Variants in ANO2 observed in about 807,000 individuals in gnomAD.
ANO2 encodes anoctamin 2.
A neutral mutation model predicts 124.2 loss-of-function variants in ANO2; 101 were observed. That is an observed-to-expected ratio of 0.81 (90% CI 0.69 to 0.96). The LOEUF (loss-of-function observed/expected upper bound fraction) is 0.96. Ranked by LOEUF, ANO2 falls within the 40% of genes least tolerant of loss-of-function variation. ANO2 has a pLI of 0.00. For missense variants in ANO2, 1,293 were observed against 1,274.5 expected (o/e 1.01, Z -0.22); for synonymous variants, 486 against 482.5 (o/e 1.01, Z -0.09).
chr12:5,850,511 A>G (rs1337436442), intron 4 of ANO2, among the ~76,000 whole-genome samples: 1 of 152,084 alleles, frequency 6.6e-6, no homozygotes, highest in East Asian at 1.9e-4. Flanking sequence ...GTCTGGGACC[A>G]AGAAACTTTG....
At chr12:5,784,502 TGGCTGCTTACTTCCTGCACTGGAGG>T (rs1231053127) in intron 10 of ANO2, among the ~76,000 whole-genome samples, 1 of 152,198 alleles carries the variant, frequency 6.6e-6, no homozygotes, top group African/African-American at 2.4e-5. Context: ...ACCACATGGG[TGGCTGCTTACTTCCTGCACTGGAGG>T]GGCCAAGCCA....
At chr12:5,747,491 A>G (rs1469029171) in intron 11 of ANO2, among the ~76,000 whole-genome samples, 1 of 152,226 alleles carries the variant, frequency 6.6e-6, no homozygotes, top group Non-Finnish European at 1.5e-5. Flanking sequence ...AAAGAAATCT[A>G]TTAAAATGTT....
intron 3 of ANO2, among the ~76,000 whole-genome samples, chr12:5,897,946 A>C (rs1170581191): frequency 6.6e-6 from 1 of 152,204 alleles, no homozygotes; most frequent in Non-Finnish European, 1.5e-5. Context: ...AAAAGAGTGA[A>C]AAGAAAAACC....
intron 12 of ANO2, 120 bp from the exon 13 acceptor site, chr12:5,739,519 T>C: frequency 3.9e-6 from 3 of 776,458 alleles, no homozygotes; most frequent in Non-Finnish European, 6.2e-6. Flanking sequence ...CTCTCTTTAA[T>C]GCATTTAGCC....
At chr12:5,628,915 C>T (rs565457399) in intron 16 of ANO2, among the ~76,000 whole-genome samples, 23 of 152,120 alleles carry the variant, frequency 1.5e-4, no homozygotes, top group Non-Finnish European at 2.6e-4. Context: ...GTATGCAAAC[C>T]AGTGTTGGTA....
intron 14 of ANO2, among the ~76,000 whole-genome samples, chr12:5,696,646 C>G (rs1949193378): frequency 6.6e-6 from 1 of 152,130 alleles, no homozygotes; most frequent in Admixed American, 6.5e-5. Flanking sequence ...AATCTTGGCC[C>G]TTAAACCAGA....
At chr12:5,872,201 G>A (rs1937746809) in intron 3 of ANO2, among the ~76,000 whole-genome samples, 1 of 151,998 alleles carries the variant, frequency 6.6e-6, no homozygotes, top group African/African-American at 2.4e-5. Context: ...CACCTGCTCT[G>A]GTCTCACTTT....
chr12:5,915,162 G>A (rs143345298), intron 3 of ANO2, among the ~76,000 whole-genome samples: 9 of 152,178 alleles, frequency 5.9e-5, no homozygotes, highest in East Asian at 1.9e-4. Context: ...GGGTGCAGAC[G>A]TCTCTGTCAC....
chr12:5,767,057 G>A (rs1452180697), intron 10 of ANO2, among the ~76,000 whole-genome samples: 1 of 152,204 alleles, frequency 6.6e-6, no homozygotes, highest in Non-Finnish European at 1.5e-5. Context: ...TTGCCAACAA[G>A]GCGTGTACCT....
intron 15 of ANO2, among the ~76,000 whole-genome samples, chr12:5,644,159 C>T (rs1269629768): frequency 6.6e-6 from 1 of 152,164 alleles, no homozygotes; most frequent in East Asian, 1.9e-4. Context: ...TTGCCTTTCA[C>T]AGTCCCTCTT....
intron 10 of ANO2, among the ~76,000 whole-genome samples, chr12:5,763,021 C>G (rs191156391): frequency 4.6e-5 from 7 of 152,008 alleles, no homozygotes; most frequent in Admixed American, 3.9e-4. Flanking sequence ...TTAATTGTCA[C>G]TCTGGTTAAA....
intron 5 of ANO2, among the ~76,000 whole-genome samples, chr12:5,831,519 G>A (rs1201686895): frequency 2.6e-5 from 4 of 152,142 alleles, no homozygotes; most frequent in South Asian, 2.1e-4. Flanking sequence ...CACTTAGGGC[G>A]GTATGACCCT....
At chr12:5,721,558 T>G (rs1458474013) in intron 14 of ANO2, among the ~76,000 whole-genome samples, 1 of 152,072 alleles carries the variant, frequency 6.6e-6, no homozygotes. Context: ...CAGGTTTCAG[T>G]GCAGTGGCAC....
chr12:5,745,246 G>T (rs1353311914), intron 11 of ANO2, among the ~76,000 whole-genome samples: 1 of 152,204 alleles, frequency 6.6e-6, no homozygotes, highest in East Asian at 1.9e-4. Flanking sequence ...TAGGAAAAAT[G>T]AATGAACTCA....
At chr12:5,703,965 C>A (rs910847562) in intron 14 of ANO2, among the ~76,000 whole-genome samples, 2 of 152,202 alleles carry the variant, frequency 1.3e-5, no homozygotes, top group Non-Finnish European at 1.5e-5. Context: ...TGACAATATC[C>A]ATTCACCTGT....
In ANO2 at chr12:5,580,927, C is replaced by T. The variant is rs563119369; in HGVS notation, c.2234-2409G>A. On this transcript the variant is annotated intron_variant, in intron 20 of 24. Transcript: ENST00000682330. The stretch of plus-strand genomic sequence containing the variant: ...ATACACAGATTTGTCAAGGTTGGGA[C>T]CTTAGAGTGATCACCTGACTAGCTG... Among the ~76,000 whole-genome samples the T allele has an allele frequency of 3.8e-3, 572 of 152,220 alleles. 5 individuals carry two copies. The highest frequency in any genetic ancestry group is 3.7e-3 in the Non-Finnish European group (250 of 68,014).
chr12:5,730,182 A>G (rs1321724759), intron 14 of ANO2, among the ~76,000 whole-genome samples: 1 of 152,238 alleles, frequency 6.6e-6, no homozygotes, highest in African/African-American at 2.4e-5. Context: ...TGAATTGTGC[A>G]TATATAAAAA....
In ANO2 at chr12:5,612,692, T is replaced by A; in HGVS notation, c.2051A>T (p.Gln684Leu). 1 of 1,613,948 alleles carries A rather than the reference T, an allele frequency of 6.2e-7. No homozygotes were observed. Among genetic ancestry groups the A allele is most frequent in the Non-Finnish European group, 8.5e-7 (1 of 1,179,876 alleles). Reference sequence around the variant, plus strand: ...CTCAAAGATGTTGTTCTGGATCAACTGCTTCCCCAACATGATGATGCTGAG... The same window carrying A: ...CTCAAAGATGTTGTTCTGGATCAACAGCTTCCCCAACATGATGATGCTGAG... ...IQLSIIMLGKQLIQNNIFEIG... is the reference protein window; with the variant it reads ...IQLSIIMLGKLLIQNNIFEIG... The change falls in exon 19 of 25, where the codon CAG (glutamine) becomes CTG (leucine). Residue 684 changes from glutamine to leucine, a missense_variant. Physicochemically the swap from Gln to Leu is moderately radical, Grantham distance 113. Transcript: ENST00000682330.
intron 14 of ANO2, among the ~76,000 whole-genome samples, chr12:5,680,642 G>A (rs1026886429): frequency 6.6e-6 from 1 of 152,122 alleles, no homozygotes; most frequent in Admixed American, 6.5e-5. Flanking sequence ...TAGTGAATTC[G>A]ACATCCCTAG....
Sources: gnomAD v4.1 joint callset for allele counts (sites outside exome capture counted in the v4.1 genomes callset) on GRCh38, gnomAD v4.1.1 for gene constraint, MANE v1.5 for transcripts, NCBI Gene and HGNC (gene_info 2026-07-23, HGNC 2026-07-21) for gene names.